The following TRIO variants were observed in gnomAD, a reference collection of about 807,000 sequenced individuals.
TRIO encodes the protein trio Rho guanine nucleotide exchange factor.
A neutral mutation model predicts 351.9 loss-of-function variants in TRIO; 58 were observed. That is an observed-to-expected ratio of 0.16 (90% CI 0.13 to 0.21). The LOEUF (loss-of-function observed/expected upper bound fraction) is 0.21. TRIO is among the 10% of genes least tolerant of loss of function. The pLI, the probability that TRIO is intolerant of heterozygous loss-of-function variation, is 1.00. For synonymous variants in TRIO, 1,758 were observed against 1,595.7 expected (o/e 1.10, Z -2.42); for missense variants, 3,201 against 4,027.8 (o/e 0.79, Z 5.56).
chr5:14,171,793 G>A (rs1344568256), intron 1 of TRIO, among the ~76,000 whole-genome samples: 2 of 152,142 alleles, frequency 1.3e-5, no homozygotes, highest in Non-Finnish European at 2.9e-5. Context: ...TGGGGGGATG[G>A]TCGGTGGTTA....
chr5:14,488,001 ACTCGCCGCT>A lies in TRIO; in HGVS notation c.7377_7385del (p.Pro2460_Ser2462del), dbSNP rs1318882548. On this transcript the variant is annotated inframe_deletion, in exon 48 of 57. Coordinates refer to ENST00000344204, the MANE Select transcript of TRIO (RefSeq NM_007118.4). ...CGGGCCGGGGCCGCTTCGCCGCTGA[ACTCGCCGCT>A]CTCCAGCGCGGTCCCTTCTCTCGGC... 1.3e-6 allele frequency: 2 copies of A among 1,571,632 alleles called. No individual in the cohort carries two copies. The highest frequency in any genetic ancestry group is 1.7e-6 in the Non-Finnish European group (2 of 1,160,066).
intron 9 of TRIO, among the ~76,000 whole-genome samples, chr5:14,319,090 G>C (rs965706949): frequency 2.6e-5 from 4 of 152,188 alleles, no homozygotes; most frequent in Non-Finnish European, 4.4e-5. Flanking sequence ...ATGTAGAAAG[G>C]TAATTATAAT....
intron 1 of TRIO, among the ~76,000 whole-genome samples, chr5:14,251,734 G>A (rs1017075727): frequency 1.3e-5 from 2 of 152,172 alleles, no homozygotes; most frequent in African/African-American, 4.8e-5. Context: ...AACAATTGGG[G>A]CCTTGAATTC....
At chr5:14,481,779 T>A in intron 45 of TRIO, 161 bp downstream of exon 45, 1 of 672,066 alleles carries the variant, frequency 1.5e-6, no homozygotes, top group East Asian at 3.1e-5. Flanking sequence ...TCCTTTTTTT[T>A]TTTTTTTTTT....
At chr5:14,237,177 T>C (rs1015346443) in intron 1 of TRIO, among the ~76,000 whole-genome samples, 1 of 152,184 alleles carries the variant, frequency 6.6e-6, no homozygotes, top group Non-Finnish European at 1.5e-5. Flanking sequence ...AGATTTTCTT[T>C]CAGATTTTGA....
intron 6 of TRIO, 117 bp from the exon 7 acceptor site, chr5:14,296,955 G>A (rs965896910): frequency 5.4e-6 from 4 of 734,390 alleles, no homozygotes; most frequent in East Asian, 5.2e-5. Context: ...ATGCTCCTGG[G>A]AGAGATGTGA....
At chr5:14,462,011 C>T (rs747099983) in intron 35 of TRIO, among the ~76,000 whole-genome samples, 4 of 152,208 alleles carry the variant, frequency 2.6e-5, no homozygotes, top group African/African-American at 4.8e-5. Flanking sequence ...TGGCCTTCAG[C>T]ACTGGTGGTG....
chr5:14,150,057 G>A lies in TRIO; in HGVS notation c.157+6175G>A, dbSNP rs527487811. On this transcript the variant is annotated intron_variant, in intron 1 of 56. Transcript: ENST00000344204. ...CCCTTTCCTGAAAGGAGGGGGAGCT[G>A]GTGCTGCTCCATTACTGGCTTACTG... Among the ~76,000 whole-genome samples, 6 of 152,336 alleles carry A rather than the reference G, an allele frequency of 3.9e-5. No homozygotes were observed. The East Asian group carries it at 5.8e-4, about 15-fold the overall frequency.
chr5:14,153,427 C>G (rs1699786353), intron 1 of TRIO, among the ~76,000 whole-genome samples: 1 of 152,160 alleles, frequency 6.6e-6, no homozygotes, highest in Admixed American at 6.5e-5. Context: ...GTGTTTATTT[C>G]TTTTTCTCCC....
In TRIO at chr5:14,368,740, G is replaced by A; in HGVS notation, c.2907G>A (p.Gln969=). Residue 969 remains glutamine, a synonymous_variant, in exon 17 of 57, where the codon CAG becomes CAA. Transcript: ENST00000344204. ...ATCAGAGCGCGCTGCAGGTGCAGCA[G>A]AAGGCAGAAGCCATGCTACAGGCCA... ...KTHQSALQVQ[Q]KAEAMLQANH... 2.5e-6 allele frequency: 4 copies of A among 1,614,070 alleles called. No homozygotes were observed. The highest frequency in any genetic ancestry group is 3.4e-6 in the Non-Finnish European group (4 of 1,179,980).
chr5:14,162,870 G>C (rs1477707039), intron 1 of TRIO, among the ~76,000 whole-genome samples: 1 of 152,056 alleles, frequency 6.6e-6, no homozygotes, highest in African/African-American at 2.4e-5. Flanking sequence ...GCAGTGGCAC[G>C]ATCTTGGCTC....
At chr5:14,169,415 T>C (rs1446675037) in intron 1 of TRIO, among the ~76,000 whole-genome samples, 1 of 151,788 alleles carries the variant, frequency 6.6e-6, no homozygotes, top group Non-Finnish European at 1.5e-5. Context: ...GTATTACTAA[T>C]ATTGACTGAA....
chr5:14,171,353 T>G (rs933735611), intron 1 of TRIO, among the ~76,000 whole-genome samples: 3 of 152,248 alleles, frequency 2.0e-5, no homozygotes, highest in Admixed American at 2.0e-4. Flanking sequence ...TCACTGCTTT[T>G]GACCAAAACT....
At chr5:14,319,858 C>A (rs145551827) in intron 9 of TRIO, among the ~76,000 whole-genome samples, 2 of 152,218 alleles carry the variant, frequency 1.3e-5, no homozygotes, top group Non-Finnish European at 2.9e-5. Flanking sequence ...ATTTTGGTTT[C>A]GAGGTTAATT....
chr5:14,331,935 C>T (rs574089759), intron 10 of TRIO, among the ~76,000 whole-genome samples: 107 of 152,268 alleles, frequency 7.0e-4, no homozygotes, highest in Admixed American at 4.8e-3. Context: ...AAATACTTTT[C>T]ATGCGAAGCT....
At chr5:14,320,974 ATACAC>A (rs1236674448) in intron 9 of TRIO, among the ~76,000 whole-genome samples, 1 of 152,162 alleles carries the variant, frequency 6.6e-6, no homozygotes, top group Non-Finnish European at 1.5e-5. Context: ...GCCTTGCAGC[ATACAC>A]ATTTTGATGG....
intron 8 of TRIO, among the ~76,000 whole-genome samples, chr5:14,306,720 A>G (rs1039668591): frequency 4.6e-5 from 7 of 152,180 alleles, no homozygotes; most frequent in Non-Finnish European, 8.8e-5. Context: ...TTAAATCAGA[A>G]TCACCTTGAC....
chr5:14,389,159 TA>T, intron 24 of TRIO, 129 bp from the exon 25 acceptor site: 1 of 645,690 alleles, frequency 1.5e-6, no homozygotes, highest in Non-Finnish European at 2.5e-6. Flanking sequence ...TTATGTTTTG[TA>T]AAAGGGTCCA....
chr5:14,403,011 G>A (rs924512669), intron 31 of TRIO, among the ~76,000 whole-genome samples: 14 of 151,588 alleles, frequency 9.2e-5, no homozygotes, highest in Non-Finnish European at 1.5e-4. Context: ...GCAGGTTGTG[G>A]TGAGGGTACA....
Sources: allele counts gnomAD v4.1 joint callset (sites outside exome capture counted in the v4.1 genomes callset), GRCh38; gene constraint gnomAD v4.1.1; transcripts MANE v1.5; gene names NCBI Gene and HGNC (gene_info 2026-07-23, HGNC 2026-07-21).